CDH18: variants seen among roughly 807,000 people sequenced by gnomAD.
The protein encoded by CDH18 is cadherin 18.
In CDH18, 31 loss-of-function variants were observed where a neutral mutation model predicts 67.9. The ratio of observed to expected loss-of-function variants is 0.46; its 90% CI spans 0.34 to 0.62. The LOEUF (loss-of-function observed/expected upper bound fraction) is 0.62. CDH18 is among the 20% of genes least tolerant of loss of function. CDH18 has a pLI of 0.01. For synonymous variants in CDH18, 362 were observed against 347.2 expected, an observed-to-expected ratio of 1.04 and a Z score of -0.48; for missense variants, 890 against 975.5, an observed-to-expected ratio of 0.91 and a Z score of 1.17.
intron 1 of CDH18, among the ~76,000 whole-genome samples, chr5:20,329,611 A>T (rs1264951461): frequency 6.6e-6 from 1 of 151,632 alleles, no homozygotes; most frequent in Non-Finnish European, 1.5e-5. Context: ...AAAAACACAC[A>T]CACACAAAAT....
intron 1 of CDH18, chr5:20,304,350 T>C (rs1736226491): frequency 6.6e-7 from 1 of 1,513,244 alleles, no homozygotes; most frequent in East Asian, 2.3e-5. Flanking sequence ...TTATCTTTCT[T>C]GTAAAATAGT....
At chr5:19,913,888 A>G (rs1791434604) in intron 2 of CDH18, among the ~76,000 whole-genome samples, 1 of 152,134 alleles carries the variant, frequency 6.6e-6, no homozygotes, top group Non-Finnish European at 1.5e-5. Flanking sequence ...ACAGTATCAC[A>G]GGGATGAGAA....
chr5:20,423,080 A>C (rs1185429997), intron 1 of CDH18, among the ~76,000 whole-genome samples: 1 of 151,180 alleles, frequency 6.6e-6, no homozygotes. Context: ...CAGATAAAGC[A>C]AGTGGTGATA....
chr5:20,339,212 A>G (rs1377417953), intron 1 of CDH18, among the ~76,000 whole-genome samples: 1 of 151,890 alleles, frequency 6.6e-6, no homozygotes. Flanking sequence ...GACTCCTTTG[A>G]CCCTCAGACT....
chr5:19,923,024 A>T (rs974748362), intron 2 of CDH18, among the ~76,000 whole-genome samples: 1 of 152,134 alleles, frequency 6.6e-6, no homozygotes, highest in Non-Finnish European at 1.5e-5. Flanking sequence ...TCTCTGTACC[A>T]TCTATTTCTA....
intron 2 of CDH18, among the ~76,000 whole-genome samples, chr5:19,940,732 C>T (rs572579919): frequency 4.6e-5 from 7 of 152,042 alleles, no homozygotes; most frequent in African/African-American, 1.4e-4. Flanking sequence ...CTAATCACCC[C>T]GATTAAGATA....
At position 19,489,012 on chromosome 5, in the gene CDH18, G is replaced by T. The variant is rs1656137305; in HGVS notation, c.1631-5460C>A. ...TCATTATGTTCTGATCTGCACCCTGGAATGTCATCCCTTTGACCATCTGCC... is the reference window on the plus strand; with the variant it reads ...TCATTATGTTCTGATCTGCACCCTGTAATGTCATCCCTTTGACCATCTGCC... On this transcript the variant is annotated intron_variant, in intron 11 of 12. Coordinates refer to ENST00000382275, the MANE Select transcript of CDH18 (RefSeq NM_004934.5). Among the ~76,000 whole-genome samples, 3 of 151,918 alleles carry T rather than the reference G, an allele frequency of 2.0e-5. No homozygotes were observed. In the South Asian group the frequency reaches 6.2e-4, roughly 31 times the overall value.
chr5:20,276,236 T>C (rs954524820), intron 1 of CDH18, among the ~76,000 whole-genome samples: 2 of 152,186 alleles, frequency 1.3e-5, no homozygotes, highest in African/African-American at 4.8e-5. Context: ...GCCACTCCTC[T>C]GCTAATCCCA....
chr5:19,763,167 C>T (rs1426895668), intron 3 of CDH18, among the ~76,000 whole-genome samples: 1 of 152,142 alleles, frequency 6.6e-6, no homozygotes, highest in Non-Finnish European at 1.5e-5. Flanking sequence ...TTAATGGGTG[C>T]AGCAAACCAA....
At chr5:20,110,660 A>G (rs1747383540) in intron 2 of CDH18, among the ~76,000 whole-genome samples, 1 of 152,038 alleles carries the variant, frequency 6.6e-6, no homozygotes, top group Non-Finnish European at 1.5e-5. Context: ...CTCTGTCTCA[A>G]AAAAAAACAA....
At chr5:19,548,752 C>CT (rs5866388) in intron 8 of CDH18, among the ~76,000 whole-genome samples, 4,088 of 137,776 alleles carry the variant, frequency 0.03, 138 homozygotes, top group African/African-American at 0.085. Flanking sequence ...TATTTATCAG[C>CT]TTTTTTTTTT....
At chr5:20,214,649 T>C (rs551052909) in intron 2 of CDH18, among the ~76,000 whole-genome samples, 6 of 151,946 alleles carry the variant, frequency 3.9e-5, no homozygotes, top group Admixed American at 2.0e-4. Flanking sequence ...GTGTAGAAGA[T>C]TGAAACTGGA....
At chr5:19,918,760 A>G (rs1458930121) in intron 2 of CDH18, among the ~76,000 whole-genome samples, 3 of 152,180 alleles carry the variant, frequency 2.0e-5, no homozygotes, top group Admixed American at 1.3e-4. Flanking sequence ...TAATAAATAC[A>G]TATTTAGTCA....
chr5:20,177,579 C>G (rs1241383078), intron 2 of CDH18, among the ~76,000 whole-genome samples: 2 of 151,948 alleles, frequency 1.3e-5, no homozygotes, highest in Non-Finnish European at 1.5e-5. Flanking sequence ...AAACATTATT[C>G]TAGGTGTGTC....
intron 1 of CDH18, among the ~76,000 whole-genome samples, chr5:20,421,713 A>G (rs1212236485): frequency 6.6e-6 from 1 of 150,972 alleles, no homozygotes; most frequent in Non-Finnish European, 1.5e-5. Context: ...TAAAACTTGA[A>G]TGTGTTTCAT....
At chr5:19,708,814 G>T (rs1301290166) in intron 5 of CDH18, among the ~76,000 whole-genome samples, 2 of 152,058 alleles carry the variant, frequency 1.3e-5, no homozygotes, top group African/African-American at 2.4e-5. Flanking sequence ...GTAAAACTCT[G>T]TTCGCAGCTC....
intron 2 of CDH18, among the ~76,000 whole-genome samples, chr5:20,223,815 G>C (rs1039976179): frequency 2.5e-4 from 38 of 152,046 alleles, no homozygotes; most frequent in African/African-American, 8.9e-4. Flanking sequence ...CCTGCCACCA[G>C]GTAAAACGTG....
chr5:19,819,809 C>G (rs1779671127), intron 3 of CDH18, among the ~76,000 whole-genome samples: 2 of 152,110 alleles, frequency 1.3e-5, no homozygotes, highest in Admixed American at 1.3e-4. Context: ...GTTGGGAGAA[C>G]AGGGCTGCCT....
intron 2 of CDH18, among the ~76,000 whole-genome samples, chr5:19,969,930 G>A (rs1188486383): frequency 6.6e-6 from 1 of 151,994 alleles, no homozygotes; most frequent in Non-Finnish European, 1.5e-5. Context: ...ATCCAAGAAT[G>A]TTTTACATCC....
Sources: gnomAD v4.1 joint callset for allele counts (sites outside exome capture counted in the v4.1 genomes callset) on GRCh38, gnomAD v4.1.1 for gene constraint, MANE v1.5 for transcripts, NCBI Gene and HGNC (gene_info 2026-07-23, HGNC 2026-07-21) for gene names.